Variants in EPB41L4A observed in about 807,000 individuals in gnomAD.
The protein encoded by EPB41L4A is band 4.1-like protein 4A.
EPB41L4A carries 100 observed loss-of-function variants against 108.6 expected under a neutral mutation model. That is an observed-to-expected ratio of 0.92 (90% CI 0.78 to 1.09). The LOEUF (loss-of-function observed/expected upper bound fraction) is 1.09, where lower values mean the gene tolerates loss of function less well. Among genes scored for constraint, EPB41L4A ranks in the 50% least tolerant of loss-of-function variants. The pLI, the probability that EPB41L4A is intolerant of heterozygous loss-of-function variation, is 0.00. For synonymous variants in EPB41L4A, 319 were observed against 289.0 expected (o/e 1.10, Z -1.05); for missense variants, 1,030 against 842.7 (o/e 1.22, Z -2.75).
chr5:112,291,712 G>C (rs1355322795), intron 2 of EPB41L4A, among the ~76,000 whole-genome samples: 2 of 152,180 alleles, frequency 1.3e-5, no homozygotes, highest in Non-Finnish European at 2.9e-5. Context: ...CTTCCACAAA[G>C]ACTCAAGAGG....
intron 11 of EPB41L4A, among the ~76,000 whole-genome samples, chr5:112,237,578 T>C (rs763015359): frequency 7.9e-5 from 12 of 152,196 alleles, no homozygotes; most frequent in South Asian, 2.1e-4. Context: ...CTGTTCTTTA[T>C]ACCCTATTCT....
At position 112,168,775 on chromosome 5, in the gene EPB41L4A, C is replaced by T. The variant is rs778452899; in HGVS notation, c.1896G>A (p.Ser632=). 18 of 1,614,076 alleles carry T rather than the reference C, an allele frequency of 1.1e-5. No individual in the cohort carries two copies. Among genetic ancestry groups the T allele is most frequent in the South Asian group, 6.6e-5 (6 of 91,060 alleles). ...LVPPLPVTRS[S]DAQGSGDATV... ...TAGCATCCCCAGAACCCTGAGCATC[C>T]GAAGAACGGGTCACCGGAAGTGGTG... Residue 632 remains serine (S), a synonymous_variant, in exon 22 of 23, where the codon TCG becomes TCA. Coordinates refer to ENST00000261486, the MANE Select transcript of EPB41L4A (RefSeq NM_022140.5).
intron 13 of EPB41L4A, among the ~76,000 whole-genome samples, chr5:112,144,165 C>T (rs1192033928): frequency 3.3e-5 from 5 of 152,180 alleles, no homozygotes. Flanking sequence ...GGAAATCAAC[C>T]CAATAGATAT....
intron 2 of EPB41L4A, among the ~76,000 whole-genome samples, chr5:112,283,438 G>A (rs1753086338): frequency 6.6e-6 from 1 of 152,168 alleles, no homozygotes; most frequent in African/African-American, 2.4e-5. Flanking sequence ...ATGCTATGAT[G>A]GCACTTGTCA....
chr5:112,408,580 C>A (rs1245756229), intron 1 of EPB41L4A, among the ~76,000 whole-genome samples: 2 of 148,558 alleles, frequency 1.3e-5, no homozygotes, highest in Non-Finnish European at 3.0e-5. Context: ...CCAATACGGC[C>A]AGGTGCAGTG....
intron 2 of EPB41L4A, among the ~76,000 whole-genome samples, chr5:112,281,752 C>A (rs1032382698): frequency 6.6e-6 from 1 of 152,184 alleles, no homozygotes; most frequent in African/African-American, 2.4e-5. Flanking sequence ...TTATAAATGG[C>A]AATTATAATG....
At chr5:112,155,666 G>A (rs927247607) in intron 12 of EPB41L4A, among the ~76,000 whole-genome samples, 24 of 151,964 alleles carry the variant, frequency 1.6e-4, no homozygotes, top group Admixed American at 1.4e-3. Flanking sequence ...TTATAGAAAA[G>A]GAAGCAAAAC....
intron 9 of EPB41L4A, 99 bp from the exon 10 acceptor site, chr5:112,240,909 A>G: frequency 1.5e-6 from 1 of 662,632 alleles, no homozygotes; most frequent in Non-Finnish European, 2.6e-6. Flanking sequence ...ATTCAAGCAG[A>G]GAGATTATTG....
intron 1 of EPB41L4A, among the ~76,000 whole-genome samples, chr5:112,414,083 T>G (rs540363112): frequency 6.6e-6 from 1 of 152,202 alleles, no homozygotes; most frequent in African/African-American, 2.4e-5. Context: ...GGCTAGTAAG[T>G]AATTAGCGGT....
At chr5:112,312,193 A>T (rs1308291496) in intron 1 of EPB41L4A, among the ~76,000 whole-genome samples, 1 of 152,214 alleles carries the variant, frequency 6.6e-6, no homozygotes, top group Non-Finnish European at 1.5e-5. Context: ...TCAGAAAACC[A>T]GCTCGGGAGT....
intron 1 of EPB41L4A, among the ~76,000 whole-genome samples, chr5:112,338,925 C>T (rs529598130): frequency 2.0e-5 from 3 of 152,272 alleles, no homozygotes; most frequent in South Asian, 2.1e-4. Flanking sequence ...TGGCTATCTC[C>T]CTCTGTCTCC....
At chr5:112,393,993 T>C (rs1479400507) in intron 1 of EPB41L4A, among the ~76,000 whole-genome samples, 1 of 152,038 alleles carries the variant, frequency 6.6e-6, no homozygotes, top group South Asian at 2.1e-4. Context: ...AAAAATCACA[T>C]GATTATCTCA....
intron 1 of EPB41L4A, among the ~76,000 whole-genome samples, chr5:112,327,176 T>C (rs1404446232): frequency 6.6e-6 from 1 of 152,154 alleles, no homozygotes; most frequent in East Asian, 1.9e-4. Flanking sequence ...TGGTCTTTCC[T>C]GGACAAGACA....
chr5:112,341,473 C>G (rs1757312543), intron 1 of EPB41L4A, among the ~76,000 whole-genome samples: 1 of 152,150 alleles, frequency 6.6e-6, no homozygotes, highest in South Asian at 2.1e-4. Flanking sequence ...GTATCTGATG[C>G]TTTAACTGTC....
chr5:112,272,356 T>G (rs1165063938), intron 4 of EPB41L4A, among the ~76,000 whole-genome samples: 1 of 151,502 alleles, frequency 6.6e-6, no homozygotes, highest in Non-Finnish European at 1.5e-5. Flanking sequence ...TTGGTCAGGC[T>G]GGTTTCGAAC....
At chr5:112,235,483 G>A (rs1053607623) in intron 11 of EPB41L4A, among the ~76,000 whole-genome samples, 3 of 152,124 alleles carry the variant, frequency 2.0e-5, no homozygotes, top group Admixed American at 2.0e-4. Flanking sequence ...TTTCATGCAG[G>A]TAAATATCAT....
At chr5:112,351,193 T>C (rs373618590) in intron 1 of EPB41L4A, among the ~76,000 whole-genome samples, 43 of 152,242 alleles carry the variant, frequency 2.8e-4, no homozygotes, top group Middle Eastern at 3.4e-3. Context: ...AAATGAGAAG[T>C]TGGTTTTTTA....
At chr5:112,336,486 G>C (rs990581654) in intron 1 of EPB41L4A, among the ~76,000 whole-genome samples, 1 of 152,130 alleles carries the variant, frequency 6.6e-6, no homozygotes, top group South Asian at 2.1e-4. Context: ...CTTCAAAGTG[G>C]GGTGATTCTT....
Position 112,204,448 on chromosome 5 carries a change from T to C in EPB41L4A, c.1303A>G (p.Lys435Glu), listed in dbSNP as rs34106638. ...NSPSDRTKSPKFPYTRRRNPS... is the reference protein window; with the variant it reads ...NSPSDRTKSPEFPYTRRRNPS... ...TTTCGGCGACGCGTGTAAGGGAACT[T>C]TGGCGACTTAGTGCGATCACTGGGA... Residue 435 changes from lysine (K) to glutamate (E), a missense_variant, in exon 15 of 23, where the codon AAG (lysine) becomes GAG (glutamate). Physicochemically the swap from Lys to Glu is moderately conservative, Grantham distance 56. Coordinates refer to ENST00000261486, the MANE Select transcript of EPB41L4A (RefSeq NM_022140.5). 4,688 of 1,613,828 alleles carry C rather than the reference T, an allele frequency of 2.9e-3. 3 individuals are homozygous for C. Among genetic ancestry groups the C allele is most frequent in the Non-Finnish European group, 3.5e-3 (4,128 of 1,179,812 alleles).
Sources: allele counts gnomAD v4.1 joint callset (sites outside exome capture counted in the v4.1 genomes callset), GRCh38; gene constraint gnomAD v4.1.1; transcripts MANE v1.5; gene names NCBI Gene and HGNC (gene_info 2026-07-23, HGNC 2026-07-21).